The following PRUNE2 variants were observed in gnomAD, a reference collection of about 807,000 sequenced individuals.
PRUNE2 encodes prune homolog 2 with BCH domain.
A neutral mutation model predicts 252.0 loss-of-function variants in PRUNE2; 164 were observed. The ratio of observed to expected loss-of-function variants is 0.65; its 90% CI spans 0.57 to 0.74. The LOEUF (loss-of-function observed/expected upper bound fraction) is 0.74. Ranked by LOEUF, PRUNE2 falls within the 30% of genes least tolerant of loss-of-function variation. The pLI, the probability that PRUNE2 is intolerant of heterozygous loss-of-function variation, is 0.00. For synonymous variants in PRUNE2, 1,292 were observed against 1,350.2 expected (o/e 0.96, Z 0.94); for missense variants, 3,495 against 3,711.0 (o/e 0.94, Z 1.51).
At chr9:76,679,736 T>C (rs1170175761) in intron 9 of PRUNE2, among the ~76,000 whole-genome samples, 1 of 152,238 alleles carries the variant, frequency 6.6e-6, no homozygotes, top group Non-Finnish European at 1.5e-5. Context: ...TGTCAAATGA[T>C]CTTTGATAAG....
rs150905826 is a variant in PRUNE2 at position 76,875,255 on chromosome 9, C to T, written c.37-21047G>A. On this transcript the variant is annotated intron_variant, in intron 1 of 18. Coordinates refer to ENST00000376718, the MANE Select transcript of PRUNE2 (RefSeq NM_015225.3). ...ATCTACACTGACCTCCCCACCCATA[C>T]CACCTTCAATACTCTTCAGTACTGG... 1.9e-3 allele frequency among the ~76,000 whole-genome samples: 295 copies of T among 152,306 alleles called. 2 individuals carry two copies. The highest frequency in any genetic ancestry group is 6.9e-3 in the African/African-American group (286 of 41,574).
chr9:76,776,975 G>A (rs1004222044), intron 6 of PRUNE2, among the ~76,000 whole-genome samples: 10 of 148,188 alleles, frequency 6.7e-5, no homozygotes, highest in East Asian at 4.0e-4. Flanking sequence ...TCCACTCAGC[G>A]GAGATTCTCG....
intron 16 of PRUNE2, among the ~76,000 whole-genome samples, chr9:76,628,635 T>C (rs1836023630): frequency 2.0e-5 from 3 of 152,158 alleles, no homozygotes; most frequent in South Asian, 2.1e-4. Context: ...TTTTCCAAAG[T>C]GGTAGTAAAG....
chr9:76,754,780 T>C (rs563092080), intron 6 of PRUNE2, among the ~76,000 whole-genome samples: 33 of 151,826 alleles, frequency 2.2e-4, no homozygotes, highest in African/African-American at 7.5e-4. Flanking sequence ...TCCTGGCCAA[T>C]ATGGTGAAAC....
intron 9 of PRUNE2, among the ~76,000 whole-genome samples, chr9:76,684,079 A>G (rs143816797): frequency 1.3e-5 from 2 of 152,144 alleles, no homozygotes; most frequent in Non-Finnish European, 2.9e-5. Context: ...TCACATACTT[A>G]TGTTTTTTGT....
At chr9:76,834,608 T>C (rs10869834) in intron 4 of PRUNE2, among the ~76,000 whole-genome samples, 58,014 of 152,042 alleles carry the variant, frequency 0.38, 11,590 homozygotes, top group African/African-American at 0.5. Context: ...CTAACAGATA[T>C]TACATTAAAC....
intron 4 of PRUNE2, among the ~76,000 whole-genome samples, chr9:76,830,216 G>A (rs1589446212): frequency 6.6e-6 from 1 of 152,208 alleles, no homozygotes. Context: ...GCTTAAGAGA[G>A]ATGGAGAAAT....
chr9:76,758,988 G>T, intron 6 of PRUNE2: 1 of 152,366 alleles, frequency 6.6e-6, no homozygotes, highest in Non-Finnish European at 1.5e-5. Flanking sequence ...ATAGGGACAA[G>T]AACCTAAGGT....
intron 6 of PRUNE2, among the ~76,000 whole-genome samples, chr9:76,728,521 G>C (rs12683741): frequency 0.23 from 35,579 of 152,102 alleles, 5,162 homozygotes; most frequent in East Asian, 0.49. Context: ...TTTTCAATTT[G>C]TATTGTCTAC....
intron 16 of PRUNE2, among the ~76,000 whole-genome samples, chr9:76,628,427 G>C (rs1193995359): frequency 1.3e-5 from 2 of 152,132 alleles, no homozygotes; most frequent in South Asian, 2.1e-4. Context: ...AAACAAAAAA[G>C]GTTTAGAAGA....
chr9:76,685,393 G>C (rs981260276), intron 9 of PRUNE2, among the ~76,000 whole-genome samples: 1 of 152,166 alleles, frequency 6.6e-6, no homozygotes, highest in African/African-American at 2.4e-5. Context: ...TGGCACATAT[G>C]CTGTCACATT....
intron 6 of PRUNE2, among the ~76,000 whole-genome samples, chr9:76,730,365 C>A (rs1264502337): frequency 3.3e-5 from 5 of 152,182 alleles, no homozygotes; most frequent in Non-Finnish European, 7.3e-5. Flanking sequence ...AAAAAAGATA[C>A]ATATAATCTT....
chr9:76,708,042 T>C lies in PRUNE2; in HGVS notation c.4232A>G (p.Asp1411Gly), dbSNP rs763781274. 1.2e-6 allele frequency: 2 copies of C among 1,613,814 alleles called. No individual in the cohort carries two copies. Among genetic ancestry groups the C allele is most frequent in the East Asian group, 4.5e-5 (2 of 44,864 alleles). Residue 1411 changes from aspartate to glycine, a missense_variant, in exon 8 of 19, where the codon GAC becomes GGC. Asp to Gly is a moderately conservative substitution (Grantham distance 94). Coordinates refer to ENST00000376718, the MANE Select transcript of PRUNE2 (RefSeq NM_015225.3). ...LEYEEGSYNLDSRDVQTGMSA... is the reference protein window; with the variant it reads ...LEYEEGSYNLGSRDVQTGMSA... ...CATCCCTGTTTGCACATCACGGGAGTCTAGATTGTAAGACCCCTCCTCATA... is the reference window on the plus strand; with the variant it reads ...CATCCCTGTTTGCACATCACGGGAGCCTAGATTGTAAGACCCCTCCTCATA...
intron 9 of PRUNE2, among the ~76,000 whole-genome samples, chr9:76,670,655 T>C (rs1304931667): frequency 1.3e-5 from 2 of 152,154 alleles, no homozygotes; most frequent in Non-Finnish European, 2.9e-5. Context: ...TGTCCCTGTC[T>C]GACAGCTTTG....
At chr9:76,697,694 C>T (rs560541883) in intron 9 of PRUNE2, among the ~76,000 whole-genome samples, 1 of 152,286 alleles carries the variant, frequency 6.6e-6, no homozygotes, top group East Asian at 1.9e-4. Flanking sequence ...GTTTGGGCAG[C>T]TGTGTTTCAT....
In PRUNE2 at chr9:76,743,267, A is replaced by C. The variant is rs190370385; in HGVS notation, c.757-29546T>G. Among the ~76,000 whole-genome samples, 18 of 152,372 alleles carry C rather than the reference A, an allele frequency of 1.2e-4. No homozygotes were observed. The East Asian group carries it at 3.5e-3, about 29-fold the overall frequency. On this transcript the variant is annotated intron_variant, in intron 6 of 18. Transcript: ENST00000376718. ...TAGCAGCATGAGAATGGACTAATACAGAGAGCTACAACAAAATTTTGGAAA... is the reference window on the plus strand; with the variant it reads ...TAGCAGCATGAGAATGGACTAATACCGAGAGCTACAACAAAATTTTGGAAA...
intron 1 of PRUNE2, among the ~76,000 whole-genome samples, chr9:76,901,136 A>T (rs2063146286): frequency 6.6e-6 from 1 of 152,158 alleles, no homozygotes; most frequent in Non-Finnish European, 1.5e-5. Flanking sequence ...CTAAAAAAGT[A>T]TGGCTCTTCT....
intron 6 of PRUNE2, among the ~76,000 whole-genome samples, chr9:76,716,368 A>G (rs957238106): frequency 3.3e-5 from 5 of 152,200 alleles, no homozygotes; most frequent in African/African-American, 2.4e-5. Context: ...GCATTTTCCA[A>G]CAATCCTAGG....
chr9:76,684,334 G>A (rs2043831834), intron 9 of PRUNE2, among the ~76,000 whole-genome samples: 1 of 152,056 alleles, frequency 6.6e-6, no homozygotes, highest in Non-Finnish European at 1.5e-5. Flanking sequence ...AGTTTGCCTG[G>A]CCTGCTAGTT....
Sources: gnomAD v4.1 joint callset for allele counts (sites outside exome capture counted in the v4.1 genomes callset) on GRCh38, gnomAD v4.1.1 for gene constraint, MANE v1.5 for transcripts, NCBI Gene and HGNC (gene_info 2026-07-23, HGNC 2026-07-21) for gene names.